The following VWC2 variants were observed in gnomAD, a reference collection of about 807,000 sequenced individuals.
VWC2 encodes brorin.
VWC2 carries 14 observed loss-of-function variants against 29.8 expected under a neutral mutation model. That is an observed-to-expected ratio of 0.47 (90% CI 0.31 to 0.74). The LOEUF (loss-of-function observed/expected upper bound fraction) is 0.74, where lower values mean the gene tolerates loss of function less well. Among genes scored for constraint, VWC2 ranks in the 30% least tolerant of loss-of-function variants. VWC2 has a pLI of 0.05. For missense variants in VWC2, 457 were observed against 459.8 expected (o/e 0.99, Z 0.05); for synonymous variants, 213 against 199.0 (o/e 1.07, Z -0.59).
Position 49,921,017 on chromosome 7 carries a change from T to C in VWC2, c.*8832T>C, listed in dbSNP as rs2128747082. On this transcript the variant is annotated 3_prime_UTR_variant, in exon 4 of 4. Transcript: ENST00000340652. Reference sequence around the variant, plus strand: ...GTGAAAGTTTTCCAGTAAGTGTTCATGTCCTGTACAAATTTATTAAACAAC... The same window carrying C: ...GTGAAAGTTTTCCAGTAAGTGTTCACGTCCTGTACAAATTTATTAAACAAC... 1 of 152,358 alleles carries C rather than the reference T, an allele frequency of 6.6e-6. No homozygotes were observed. The highest frequency in any genetic ancestry group is 2.1e-4 in the South Asian group (1 of 4,834). The allele number at this position is 152,358 out of a possible 1,614,324, so 9.4% of individuals were successfully genotyped here.
chr7:49,788,869 T>TGTG (rs1554327944), intron 2 of VWC2, among the ~76,000 whole-genome samples: 4 of 137,690 alleles, frequency 2.9e-5, no homozygotes, highest in Non-Finnish European at 4.7e-5. Flanking sequence ...AGCGTGTGTG[T>TGTG]GGGGGGTGTG....
chr7:49,821,779 G>C (rs1330629082), intron 3 of VWC2, among the ~76,000 whole-genome samples: 3 of 151,748 alleles, frequency 2.0e-5, no homozygotes, highest in Non-Finnish European at 4.4e-5. Flanking sequence ...ATTATTTTTT[G>C]ACTCATACTT....
In VWC2 at chr7:49,775,805, G is replaced by T; in HGVS notation, c.370G>T (p.Ala124Ser). 1 of 1,537,606 alleles carries T rather than the reference G, an allele frequency of 6.5e-7. No homozygotes were observed. The highest frequency in any genetic ancestry group is 2.5e-5 in the East Asian group (1 of 40,420). The change falls in exon 2 of 4, where the codon GCC becomes TCC. Residue 124 changes from alanine to serine, a missense_variant. Around this residue, in one of 2 missense-constraint regions of VWC2, gnomAD observed 272 missense variants for 202.7 expected, o/e 1.34. Transcript: ENST00000340652. Reference sequence around the variant, plus strand: ...GGACACCCCGCAGGCGGAAGCCCTGGCCGCAGCCGCCCAGGACGCGATTGG... The same window carrying T: ...GGACACCCCGCAGGCGGAAGCCCTGTCCGCAGCCGCCCAGGACGCGATTGG... ...RGDTPQAEAL[A>S]AAAQDAIGPE...
chr7:49,872,772 C>T (rs563268986), intron 3 of VWC2, among the ~76,000 whole-genome samples: 3 of 145,862 alleles, frequency 2.1e-5, no homozygotes, highest in African/African-American at 7.5e-5. Flanking sequence ...AAAAATTAGT[C>T]CGGTGTGGTG....
chr7:49,887,482 T>C (rs1334346168), intron 3 of VWC2, among the ~76,000 whole-genome samples: 1 of 151,964 alleles, frequency 6.6e-6, no homozygotes, highest in Non-Finnish European at 1.5e-5. Context: ...ACAATGTTTT[T>C]GTTTTCATAA....
intron 3 of VWC2, among the ~76,000 whole-genome samples, chr7:49,804,796 C>T (rs1229512353): frequency 6.6e-6 from 1 of 152,130 alleles, no homozygotes; most frequent in Non-Finnish European, 1.5e-5. Context: ...TGGTTCTCTC[C>T]TGCCCCATCT....
intron 3 of VWC2, among the ~76,000 whole-genome samples, chr7:49,903,848 TGA>T (rs1792922986): frequency 6.6e-6 from 1 of 152,004 alleles, no homozygotes. Context: ...CTCTCTCTAG[TGA>T]GAGAGAAGGG....
At chr7:49,783,070 C>T (rs576438443) in intron 2 of VWC2, among the ~76,000 whole-genome samples, 74 of 152,174 alleles carry the variant, frequency 4.9e-4, no homozygotes, top group African/African-American at 1.7e-3. Flanking sequence ...TCTTGTAGAA[C>T]CTCTAATCAT....
intron 2 of VWC2, among the ~76,000 whole-genome samples, chr7:49,792,686 G>A (rs530219136): frequency 2.0e-4 from 31 of 152,266 alleles, no homozygotes; most frequent in African/African-American, 7.0e-4. Context: ...CTGTCCTGGC[G>A]GCCAGAGGTC....
chr7:49,908,979 C>T (rs1258557510), intron 3 of VWC2, among the ~76,000 whole-genome samples: 1 of 152,208 alleles, frequency 6.6e-6, no homozygotes, highest in Non-Finnish European at 1.5e-5. Context: ...GTTGCCCTGA[C>T]ATAGAAAGAT....
intron 3 of VWC2, among the ~76,000 whole-genome samples, chr7:49,819,494 A>G (rs372600986): frequency 7.4e-4 from 112 of 152,370 alleles, no homozygotes; most frequent in African/African-American, 2.6e-3. Context: ...AAAATGTAAA[A>G]TACTGCATGC....
At chr7:49,782,948 A>G (rs1429311602) in intron 2 of VWC2, among the ~76,000 whole-genome samples, 2 of 152,156 alleles carry the variant, frequency 1.3e-5, no homozygotes, top group African/African-American at 4.8e-5. Context: ...AGCAATTTGA[A>G]CCTGTAAAGC....
At chr7:49,869,099 C>CT (rs1006429982) in intron 3 of VWC2, among the ~76,000 whole-genome samples, 72 of 148,964 alleles carry the variant, frequency 4.8e-4, no homozygotes, top group African/African-American at 9.3e-4. Context: ...TTTACACTTC[C>CT]TTTTTTTTTT....
chr7:49,809,304 C>T (rs1390828787), intron 3 of VWC2, among the ~76,000 whole-genome samples: 1 of 151,890 alleles, frequency 6.6e-6, no homozygotes, highest in African/African-American at 2.4e-5. Flanking sequence ...CCTAGGAAAA[C>T]ACAAATTACC....
At chr7:49,813,380 T>C (rs975458249) in intron 3 of VWC2, among the ~76,000 whole-genome samples, 7 of 152,214 alleles carry the variant, frequency 4.6e-5, no homozygotes, top group Non-Finnish European at 8.8e-5. Flanking sequence ...ATCCCTAGAG[T>C]GCCTGATCCA....
At position 49,775,973 on chromosome 7, in the gene VWC2, T is replaced by C; in HGVS notation, c.538T>C (p.Cys180Arg). The change falls in exon 2 of 4, where the codon TGC becomes CGC. Residue 180 changes from cysteine to arginine, a missense_variant. Coordinates refer to ENST00000340652, the MANE Select transcript of VWC2 (RefSeq NM_198570.5). Reference protein sequence around the residue: ...APGPSACPCLCTEEGPLCAQP... With the variant: ...APGPSACPCLRTEEGPLCAQP... The stretch of plus-strand genomic sequence containing the variant: ...GGGCCCCTCGGCCTGCCCGTGCCTG[T>C]GCACCGAGGAGGGGCCGCTGTGCGC... The C allele has an allele frequency of 6.5e-7, 1 of 1,548,930 alleles. No individual in the cohort carries two copies. The highest frequency in any genetic ancestry group is 8.7e-7 in the Non-Finnish European group (1 of 1,150,212).
At chr7:49,815,170 G>A (rs941439769) in intron 3 of VWC2, among the ~76,000 whole-genome samples, 1 of 152,208 alleles carries the variant, frequency 6.6e-6, no homozygotes, top group Non-Finnish European at 1.5e-5. Flanking sequence ...GATGAGTCAA[G>A]CAATGGTGCC....
chr7:49,877,750 G>A (rs1583736711), intron 3 of VWC2, among the ~76,000 whole-genome samples: 1 of 150,366 alleles, frequency 6.7e-6, no homozygotes, highest in Non-Finnish European at 1.5e-5. Flanking sequence ...CTTTTCAGGT[G>A]TCAGCTGCTT....
intron 3 of VWC2, among the ~76,000 whole-genome samples, chr7:49,872,175 A>G (rs1791187290): frequency 6.6e-6 from 1 of 152,180 alleles, no homozygotes; most frequent in African/African-American, 2.4e-5. Flanking sequence ...ATTGAAACTA[A>G]AAATCCAGTT....
Sources: allele counts gnomAD v4.1 joint callset (sites outside exome capture counted in the v4.1 genomes callset), GRCh38; gene constraint gnomAD v4.1.1; regional missense constraint gnomAD v4.1.1; transcripts MANE v1.5; gene names NCBI Gene and HGNC (gene_info 2026-07-23, HGNC 2026-07-21).